Variants in BAIAP2 observed in about 807,000 individuals in gnomAD.
BAIAP2 encodes BAR/IMD domain containing adaptor protein 2.
A neutral mutation model predicts 63.0 loss-of-function variants in BAIAP2; 18 were observed. That is an observed-to-expected ratio of 0.29 (90% CI 0.20 to 0.42). The LOEUF is 0.42. BAIAP2 is among the 10% of genes least tolerant of loss of function. The pLI is 1.00. For missense variants in BAIAP2, 610 were observed against 734.3 expected (o/e 0.83, Z 1.96); for synonymous variants, 386 against 307.6 (o/e 1.25, Z -2.67).
intron 6 of BAIAP2, among the ~76,000 whole-genome samples, chr17:81,095,268 A>G (rs2057432161): frequency 6.6e-6 from 1 of 152,144 alleles, no homozygotes; most frequent in African/African-American, 2.4e-5. Flanking sequence ...GCTGCCAGGT[A>G]GGAGGTACAG....
At chr17:81,102,907 G>A (rs577924126) in intron 7 of BAIAP2, among the ~76,000 whole-genome samples, 4 of 152,346 alleles carry the variant, frequency 2.6e-5, no homozygotes, top group South Asian at 2.1e-4. Flanking sequence ...AGGCCCGGCC[G>A]GCTCCCAGTC....
rs764516093 is a variant in BAIAP2 at position 81,103,951 on chromosome 17, A to G, written c.909A>G (p.Thr303=). 5 of 1,613,064 alleles carry G rather than the reference A, an allele frequency of 3.1e-6. No homozygotes were observed. The highest frequency in any genetic ancestry group is 2.2e-5 in the South Asian group (2 of 91,092). ...GCACACCCATCATGAACGGCGTCAC[A>G]GGCCCGGATGGCGAGGACTACAGCC... The part of the protein sequence containing the change: ...QESTPIMNGV[T]GPDGEDYSPW... Residue 303 remains threonine, a synonymous_variant, in exon 9 of 14, where the codon ACA becomes ACG. Transcript: ENST00000428708.
At chr17:81,047,993 ACTCT>A (rs1319586887) in intron 1 of BAIAP2, among the ~76,000 whole-genome samples, 1 of 152,196 alleles carries the variant, frequency 6.6e-6, no homozygotes, top group Non-Finnish European at 1.5e-5. Context: ...GGTGGGGGAC[ACTCT>A]CTGTCAGCAG....
At chr17:81,086,025 C>T (rs2055563538) in intron 5 of BAIAP2, among the ~76,000 whole-genome samples, 1 of 152,172 alleles carries the variant, frequency 6.6e-6, no homozygotes, top group Non-Finnish European at 1.5e-5. Context: ...GGAGCTCCTT[C>T]TCTGGCCTCT....
At chr17:81,049,853 A>T (rs1208911641) in intron 1 of BAIAP2, among the ~76,000 whole-genome samples, 3 of 152,168 alleles carry the variant, frequency 2.0e-5, no homozygotes, top group African/African-American at 7.2e-5. Context: ...TGGAGGCGGG[A>T]CTGGAGTGTA....
intron 3 of BAIAP2, among the ~76,000 whole-genome samples, chr17:81,069,279 G>A (rs1340363070): frequency 6.6e-6 from 1 of 152,210 alleles, no homozygotes; most frequent in South Asian, 2.1e-4. Context: ...ACTGGACTGT[G>A]TCCCGGGCAG....
At chr17:81,086,646 C>T (rs1345490899) in intron 6 of BAIAP2, 66 bp downstream of exon 6, 8 of 1,588,514 alleles carry the variant, frequency 5.0e-6, no homozygotes, top group Non-Finnish European at 6.0e-6. Flanking sequence ...CCTCGGCCCC[C>T]CTCGTCCACA....
intron 13 of BAIAP2, chr17:81,109,726 G>T: frequency 1.0e-6 from 1 of 985,392 alleles, no homozygotes; most frequent in Non-Finnish European, 1.2e-6. Context: ...CTCACCTCCC[G>T]TCGGGCACTG....
chr17:81,074,701 C>T (rs1436474768), intron 3 of BAIAP2, among the ~76,000 whole-genome samples: 1 of 146,884 alleles, frequency 6.8e-6, no homozygotes, highest in African/African-American at 2.5e-5. Flanking sequence ...TGTGCATGCA[C>T]GGATGCGTGT....
chr17:81,092,477 T>C (rs1044156457), intron 6 of BAIAP2, among the ~76,000 whole-genome samples: 1 of 151,670 alleles, frequency 6.6e-6, no homozygotes, highest in Non-Finnish European at 1.5e-5. Context: ...GCAGGCAGAG[T>C]GGATTTCTCT....
rs959907212 is a variant in BAIAP2 at position 81,046,216 on chromosome 17, C to T, written c.55-7452C>T. Among the ~76,000 whole-genome samples, 4 of 152,256 alleles carry T rather than the reference C, an allele frequency of 2.6e-5. No homozygotes were observed. Among genetic ancestry groups the T allele is most frequent in the Admixed American group, 1.3e-4 (2 of 15,306 alleles). On this transcript the variant is annotated intron_variant, in intron 1 of 13. Coordinates refer to ENST00000428708, the MANE Select transcript of BAIAP2 (RefSeq NM_001144888.2). This position sits in a 1 kb window ranked among gnomAD's most constrained non-coding sequence, Gnocchi z 4.5. Reference sequence around the variant, plus strand: ...AGGCTCCAGCCCACCTTCAGGCCCCCGTCCTAACCCTGCGCGCCGTTTCCT... The same window carrying T: ...AGGCTCCAGCCCACCTTCAGGCCCCTGTCCTAACCCTGCGCGCCGTTTCCT...
chr17:81,107,268 CA>C (rs1363479093), intron 12 of BAIAP2: 1 of 232,462 alleles, frequency 4.3e-6, no homozygotes, highest in Non-Finnish European at 8.4e-6. Context: ...TTGGGAGAGC[CA>C]GGGGGGCAGG....
intron 6 of BAIAP2, among the ~76,000 whole-genome samples, chr17:81,091,350 A>C (rs867259612): frequency 1.4e-4 from 21 of 152,002 alleles, no homozygotes; most frequent in Non-Finnish European, 2.8e-4. Flanking sequence ...AGACCTCTTC[A>C]CCGGCCTCTC....
intron 3 of BAIAP2, among the ~76,000 whole-genome samples, chr17:81,084,253 A>G (rs2055164891): frequency 6.6e-6 from 1 of 152,080 alleles, no homozygotes; most frequent in African/African-American, 2.4e-5. Flanking sequence ...GTCTCCTCAG[A>G]CCACCGCGCT....
At chr17:81,113,391 G>A (rs994413671) in intron 13 of BAIAP2, among the ~76,000 whole-genome samples, 42 of 152,368 alleles carry the variant, frequency 2.8e-4, no homozygotes, top group South Asian at 2.3e-3. Flanking sequence ...TGTGGCTAAC[G>A]TGTGGTGACC....
chr17:81,098,721 C>T (rs986082685), intron 6 of BAIAP2, among the ~76,000 whole-genome samples: 6 of 152,144 alleles, frequency 3.9e-5, no homozygotes, highest in Non-Finnish European at 5.9e-5. Context: ...CTTTCTGGGC[C>T]GACTGTGTGT....
At chr17:81,095,944 C>T (rs1351374441) in intron 6 of BAIAP2, among the ~76,000 whole-genome samples, 1 of 152,242 alleles carries the variant, frequency 6.6e-6, no homozygotes, top group South Asian at 2.1e-4. Context: ...TGAGCATGAG[C>T]GTGAGAAAGT....
At chr17:81,103,145 G>A (rs1348010670) in intron 7 of BAIAP2, among the ~76,000 whole-genome samples, 1 of 152,198 alleles carries the variant, frequency 6.6e-6, no homozygotes, top group African/African-American at 2.4e-5. Flanking sequence ...CCGGCCATCT[G>A]GGGCGCCTTC....
chr17:81,100,117 G>T, intron 7 of BAIAP2, 37 bp downstream of exon 7: 1 of 1,579,232 alleles, frequency 6.3e-7, no homozygotes, highest in Non-Finnish European at 8.6e-7. Flanking sequence ...CCGGCGCTGG[G>T]CCTTGCTGGC....
Sources: allele counts gnomAD v4.1 joint callset (sites outside exome capture counted in the v4.1 genomes callset), GRCh38; gene constraint gnomAD v4.1.1; non-coding constraint Gnocchi (gnomAD v3.1); transcripts MANE v1.5; gene names NCBI Gene and HGNC (gene_info 2026-07-23, HGNC 2026-07-21).